PDS5B: variants seen among roughly 807,000 people sequenced by gnomAD.
PDS5B encodes the protein sister chromatid cohesion protein PDS5 homolog B.
PDS5B carries 51 observed loss-of-function variants against 184.1 expected under a neutral mutation model. The observed-to-expected ratio is 0.28, with a 90% CI of 0.22 to 0.35. The LOEUF is 0.35. PDS5B is among the 10% of genes least tolerant of loss of function. The pLI is 1.00. For synonymous variants in PDS5B, 566 were observed against 569.2 expected, an observed-to-expected ratio of 0.99 and a Z score of 0.08; for missense variants, 1,180 against 1,723.3, an observed-to-expected ratio of 0.68 and a Z score of 5.58.
intron 33 of PDS5B, among the ~76,000 whole-genome samples, chr13:32,771,402 A>C (rs1954780828): frequency 3.9e-5 from 6 of 152,164 alleles, no homozygotes; most frequent in Admixed American, 3.3e-4. Context: ...TCACTGCTGT[A>C]ATTTGCAGAT....
intron 1 of PDS5B, among the ~76,000 whole-genome samples, chr13:32,627,471 T>G (rs1189406203): frequency 5.3e-4 from 81 of 151,420 alleles, no homozygotes; most frequent in Non-Finnish European, 3.0e-5. Flanking sequence ...ATTTCCTGGG[T>G]TTTTTTTACT....
At chr13:32,772,167 T>C (rs1954810382) in intron 33 of PDS5B, among the ~76,000 whole-genome samples, 1 of 152,136 alleles carries the variant, frequency 6.6e-6, no homozygotes, top group Admixed American at 6.5e-5. Flanking sequence ...AGTAAAAAAA[T>C]TGTTTGGTTC....
chr13:32,758,952 G>C (rs915779359), intron 28 of PDS5B, among the ~76,000 whole-genome samples: 3 of 152,096 alleles, frequency 2.0e-5, no homozygotes, highest in African/African-American at 7.2e-5. Flanking sequence ...TGCTGATAGA[G>C]ATACAGTCTG....
At chr13:32,676,932 CAAAAAAAAA>C (rs4057303) in intron 9 of PDS5B, among the ~76,000 whole-genome samples, 24 of 78,822 alleles carry the variant, frequency 3.0e-4, no homozygotes, top group East Asian at 1.8e-3. Context: ...CTCTTGTCTC[CAAAAAAAAA>C]AAAAAAAAAA....
At chr13:32,774,393 G>A (rs540475781) in intron 34 of PDS5B, among the ~76,000 whole-genome samples, 2 of 152,296 alleles carry the variant, frequency 1.3e-5, no homozygotes, top group African/African-American at 2.4e-5. Context: ...TTCTTAAAGG[G>A]TTTTGGGGAG....
At position 32,755,859 on chromosome 13, in the gene PDS5B, C is replaced by A; in HGVS notation, c.2959C>A (p.Leu987Ile). ...AAVSEKLLSLLPEYVVPYTIH... is the reference protein window; with the variant it reads ...AAVSEKLLSLIPEYVVPYTIH... The stretch of plus-strand genomic sequence containing the variant: ...TTTTTCAGAAAAATTATTGTCTCTT[C>A]TACCAGAGTATGTTGTTCCATATAC... Residue 987 changes from leucine (L) to isoleucine (I), a missense_variant, in exon 26 of 35, where the codon CTA (leucine) becomes ATA (isoleucine). Leu to Ile is a conservative substitution (Grantham distance 5, BLOSUM62 2). This residue lies in a region of PDS5B where 57 missense variants were observed against 80.9 expected (regional missense o/e 0.70). Transcript: ENST00000315596. The A allele has an allele frequency of 7.2e-7, 1 of 1,394,976 alleles. No homozygotes were observed. The allele number at this position is 1,394,976 out of a possible 1,614,324, so 86.4% of individuals were successfully genotyped here.
At chr13:32,722,467 G>A (rs1952751474) in intron 19 of PDS5B, among the ~76,000 whole-genome samples, 1 of 152,118 alleles carries the variant, frequency 6.6e-6, no homozygotes, top group Non-Finnish European at 1.5e-5. Context: ...ATTGCATATA[G>A]CATTCAGTAC....
chr13:32,697,614 T>G (rs978489037), intron 15 of PDS5B, among the ~76,000 whole-genome samples: 3 of 152,268 alleles, frequency 2.0e-5, no homozygotes. Context: ...AGTAGAACTT[T>G]AAGACCAAAA....
At chr13:32,598,585 C>G (rs1007903686) in intron 1 of PDS5B, among the ~76,000 whole-genome samples, 1 of 152,034 alleles carries the variant, frequency 6.6e-6, no homozygotes, top group South Asian at 2.1e-4. Context: ...GTCCTCCTGC[C>G]TTAGCCTCCT....
chr13:32,674,777 C>T (rs957504020), intron 8 of PDS5B, among the ~76,000 whole-genome samples: 1 of 151,924 alleles, frequency 6.6e-6, no homozygotes, highest in African/African-American at 2.4e-5. Flanking sequence ...TTGTGGAACA[C>T]AAAGAATTAT....
intron 1 of PDS5B, among the ~76,000 whole-genome samples, chr13:32,595,209 A>G (rs1215800252): frequency 6.6e-6 from 1 of 152,098 alleles, no homozygotes; most frequent in Non-Finnish European, 1.5e-5. Flanking sequence ...GACTAGGTTT[A>G]TCATCATGCT....
chr13:32,630,789 C>CTTT (rs59791239), intron 1 of PDS5B, among the ~76,000 whole-genome samples: 1 of 141,720 alleles, frequency 7.1e-6, no homozygotes. Context: ...CTCTTCCTTA[C>CTTT]TTTTTTTTTT....
chr13:32,651,886 C>G lies in PDS5B; in HGVS notation c.191C>G (p.Ala64Gly), dbSNP rs543763906. 4.3e-6 allele frequency: 7 copies of G among 1,613,016 alleles called. No individual in the cohort carries two copies. In the South Asian group the frequency reaches 7.7e-5, roughly 18 times the overall value. Residue 64 changes from alanine (A) to glycine (G), a missense_variant, in exon 3 of 35, where the codon GCT becomes GGT. Ala to Gly is a moderately conservative substitution (Grantham distance 60). Around this residue, in one of 11 missense-constraint regions of PDS5B, gnomAD observed 22 missense variants for 79.3 expected, o/e 0.28. Transcript: ENST00000315596. ...ELYLNLALHLASDFFLKHPDK... is the reference protein window; with the variant it reads ...ELYLNLALHLGSDFFLKHPDK... ...TATTTAAACCTAGCTTTACATCTTG[C>G]TTCAGATTTTTTTCTCAAGCATCCT...
At chr13:32,668,373 T>A (rs1950854247) in intron 7 of PDS5B, among the ~76,000 whole-genome samples, 1 of 152,218 alleles carries the variant, frequency 6.6e-6, no homozygotes, top group Admixed American at 6.5e-5. Flanking sequence ...GGAACAATTG[T>A]AATAAAATGA....
intron 5 of PDS5B, 112 bp downstream of exon 5, chr13:32,658,643 CTT>C (rs935081906): frequency 1.2e-5 from 7 of 566,660 alleles, no homozygotes; most frequent in Non-Finnish European, 2.2e-5. Context: ...AGAGATGTAA[CTT>C]TTAACACACT....
intron 1 of PDS5B, among the ~76,000 whole-genome samples, chr13:32,632,396 G>GTAAGCACA (rs1207915945): frequency 6.6e-6 from 1 of 152,188 alleles, no homozygotes; most frequent in Non-Finnish European, 1.5e-5. Context: ...AAATAGACCT[G>GTAAGCACA]TAAGCACATA....
At chr13:32,752,164 G>A (rs2140996078) in intron 24 of PDS5B, among the ~76,000 whole-genome samples, 1 of 152,200 alleles carries the variant, frequency 6.6e-6, no homozygotes, top group East Asian at 1.9e-4. Flanking sequence ...CTTTTCCACA[G>A]TAAGATATTT....
chr13:32,639,553 T>C (rs1270320599), intron 1 of PDS5B, among the ~76,000 whole-genome samples: 8 of 152,236 alleles, frequency 5.3e-5, no homozygotes, highest in African/African-American at 1.9e-4. Context: ...TTTCAAGTTG[T>C]ATGCTTAGGG....
chr13:32,587,769 T>C (rs1057441830), intron 1 of PDS5B, among the ~76,000 whole-genome samples: 3 of 152,252 alleles, frequency 2.0e-5, no homozygotes, highest in Admixed American at 6.5e-5. Flanking sequence ...TCTCGTACTT[T>C]TAATAAGAGG....
Sources: allele counts gnomAD v4.1 joint callset (sites outside exome capture counted in the v4.1 genomes callset), GRCh38; gene constraint gnomAD v4.1.1; regional missense constraint gnomAD v4.1.1; transcripts MANE v1.5; gene names NCBI Gene and HGNC (gene_info 2026-07-23, HGNC 2026-07-21).